Variants in CNTN3 observed in about 807,000 individuals in gnomAD.
The protein encoded by CNTN3 is contactin-3.
Under a neutral mutation model 119.1 loss-of-function variants are expected in CNTN3, and 60 were observed. The ratio of observed to expected loss-of-function variants is 0.50; its 90% CI spans 0.41 to 0.62. CNTN3 has a LOEUF of 0.62. Ranked by LOEUF, CNTN3 falls within the 20% of genes least tolerant of loss-of-function variation. The probability of loss-of-function intolerance (pLI) is 0.00; values close to 1 mark genes in which losing one functional copy is unlikely to be tolerated. For synonymous variants in CNTN3, 450 were observed against 438.7 expected (o/e 1.03, Z -0.32); for missense variants, 1,101 against 1,242.4 (o/e 0.89, Z 1.71).
At chr3:74,330,266 G>A (rs540201568) in intron 13 of CNTN3, among the ~76,000 whole-genome samples, 1 of 152,112 alleles carries the variant, frequency 6.6e-6, no homozygotes, top group African/African-American at 2.4e-5. Context: ...TGAGCCTTGA[G>A]GATCATTTGA....
chr3:74,585,853 A>G (rs1704584318), intron 1 of CNTN3, among the ~76,000 whole-genome samples: 1 of 152,168 alleles, frequency 6.6e-6, no homozygotes. Flanking sequence ...ATGTCCATTT[A>G]TGACAGTTTT....
chr3:74,578,685 A>T (rs533045280), intron 1 of CNTN3, among the ~76,000 whole-genome samples: 21 of 152,174 alleles, frequency 1.4e-4, no homozygotes, highest in African/African-American at 4.8e-4. Context: ...AAAATTCACA[A>T]AATTTTAATC....
chr3:74,325,887 T>C (rs1703115764), intron 13 of CNTN3, among the ~76,000 whole-genome samples: 1 of 152,152 alleles, frequency 6.6e-6, no homozygotes, highest in Non-Finnish European at 1.5e-5. Context: ...TCTGAGCTAA[T>C]ACCCCCAGAA....
intron 11 of CNTN3, among the ~76,000 whole-genome samples, chr3:74,354,121 A>T (rs1360941566): frequency 6.6e-6 from 1 of 152,184 alleles, no homozygotes; most frequent in Non-Finnish European, 1.5e-5. Flanking sequence ...AATATCTTTT[A>T]AAAACATTGC....
At chr3:74,321,890 C>T (rs991429869) in intron 13 of CNTN3, among the ~76,000 whole-genome samples, 1 of 151,998 alleles carries the variant, frequency 6.6e-6, no homozygotes, top group Non-Finnish European at 1.5e-5. Context: ...TACATTGAAT[C>T]AATGATTAAT....
chr3:74,299,258 C>T (rs780139247), intron 17 of CNTN3, among the ~76,000 whole-genome samples: 54 of 152,284 alleles, frequency 3.5e-4, no homozygotes, highest in Non-Finnish European at 6.5e-4. Flanking sequence ...ATACTTGAGT[C>T]GTGTCAAAAA....
At chr3:74,538,663 A>T (rs1252145762) in intron 1 of CNTN3, among the ~76,000 whole-genome samples, 1 of 152,170 alleles carries the variant, frequency 6.6e-6, no homozygotes, top group Non-Finnish European at 1.5e-5. Flanking sequence ...TACATATTTT[A>T]TGCTATCAAG....
At chr3:74,603,654 T>C (rs956241992) in intron 1 of CNTN3, among the ~76,000 whole-genome samples, 1 of 151,958 alleles carries the variant, frequency 6.6e-6, no homozygotes, top group Non-Finnish European at 1.5e-5. Flanking sequence ...TTATACTGAG[T>C]TTGAAATGGA....
intron 1 of CNTN3, among the ~76,000 whole-genome samples, chr3:74,565,911 G>T (rs1312214444): frequency 6.6e-6 from 1 of 152,034 alleles, no homozygotes; most frequent in Non-Finnish European, 1.5e-5. Flanking sequence ...TGAATCATGG[G>T]GGCAAGTCTT....
At chr3:74,595,098 T>C (rs1362447549) in intron 1 of CNTN3, among the ~76,000 whole-genome samples, 2 of 151,986 alleles carry the variant, frequency 1.3e-5, no homozygotes, top group African/African-American at 4.8e-5. Flanking sequence ...ATGTCTTCTT[T>C]TGAGAAGTGT....
chr3:74,380,481 C>T (rs1051546202), intron 5 of CNTN3, among the ~76,000 whole-genome samples: 1 of 152,170 alleles, frequency 6.6e-6, no homozygotes, highest in African/African-American at 2.4e-5. Context: ...GATAAAGAAG[C>T]TTACATCTCA....
intron 1 of CNTN3, among the ~76,000 whole-genome samples, chr3:74,544,024 C>A (rs1248897581): frequency 1.3e-5 from 2 of 152,180 alleles, no homozygotes; most frequent in African/African-American, 4.8e-5. Context: ...AACTTCCAAT[C>A]TGCAATGGAG....
chr3:74,573,127 G>A lies in CNTN3; in HGVS notation c.-81+41264C>T, dbSNP rs1704360805. Among the ~76,000 whole-genome samples the A allele has an allele frequency of 2.0e-5, 3 of 152,256 alleles. No individual in the cohort carries two copies. The South Asian group carries it at 6.2e-4, about 32-fold the overall frequency. On this transcript the variant is annotated intron_variant, in intron 1 of 22. Coordinates refer to ENST00000263665, the MANE Select transcript of CNTN3 (RefSeq NM_020872.3). ...GCTGCATGCTCAGACCCATGAAGGG[G>A]ACCCACAGGAATCTAGTGAATTGGG...
intron 1 of CNTN3, among the ~76,000 whole-genome samples, chr3:74,606,752 T>C (rs1057238460): frequency 6.6e-6 from 1 of 152,102 alleles, no homozygotes; most frequent in East Asian, 1.9e-4. Context: ...ACCCTTCACT[T>C]GTAAGTATCT....
At chr3:74,585,135 T>C (rs910673898) in intron 1 of CNTN3, among the ~76,000 whole-genome samples, 4 of 152,166 alleles carry the variant, frequency 2.6e-5, no homozygotes, top group Admixed American at 6.5e-5. Flanking sequence ...CTACGTTTAA[T>C]AAAATACTGT....
rs1281472763 is a variant in CNTN3, at chr3:74,296,931, G to A, written c.2401+1026C>T. 2.0e-5 allele frequency among the ~76,000 whole-genome samples: 3 copies of A among 150,554 alleles called. 1 individual carries two copies. Among genetic ancestry groups the A allele is most frequent in the South Asian group, 4.2e-4 (2 of 4,788 alleles). On this transcript the variant is annotated intron_variant, in intron 18 of 22. Coordinates refer to ENST00000263665, the MANE Select transcript of CNTN3 (RefSeq NM_020872.3). ...AACAGTTGTTGCTGATCTATGAAAT[G>A]GCAATTTTGCATAATTCTTTTACCT...
intron 1 of CNTN3, among the ~76,000 whole-genome samples, chr3:74,539,265 C>A (rs756502829): frequency 5.9e-5 from 9 of 152,060 alleles, no homozygotes; most frequent in Non-Finnish European, 1.2e-4. Context: ...GTATTTAGTA[C>A]TGAATATTGG....
Position 74,369,338 on chromosome 3 carries a change from C to G in CNTN3, c.797G>C (p.Gly266Ala), listed in dbSNP as rs2106788219. ...TTTAATTTTGCTGGAAAATGGCAGCCCATCACTTCTTCTCCAATTAATCTG... is the reference window on the plus strand; with the variant it reads ...TTTAATTTTGCTGGAAAATGGCAGCGCATCACTTCTTCTCCAATTAATCTG... ...IPQINWRRSD[G>A]LPFSSKIKLR... Residue 266 changes from glycine (G) to alanine (A), a missense_variant, in exon 8 of 23, where the codon GGG becomes GCG. Physicochemically the swap from Gly to Ala is moderately conservative, Grantham distance 60 (BLOSUM62 0). Coordinates refer to ENST00000263665, the MANE Select transcript of CNTN3 (RefSeq NM_020872.3). 6.2e-7 allele frequency: 1 copy of G among 1,605,870 alleles called. No individual in the cohort carries two copies. Among genetic ancestry groups the G allele is most frequent in the East Asian group, 2.3e-5 (1 of 44,206 alleles).
intron 1 of CNTN3, among the ~76,000 whole-genome samples, chr3:74,588,139 G>A (rs1704631228): frequency 6.6e-6 from 1 of 152,076 alleles, no homozygotes; most frequent in African/African-American, 2.4e-5. Flanking sequence ...AAGCCCACTT[G>A]ACCATGGTGG....
Sources: gnomAD v4.1 joint callset for allele counts (sites outside exome capture counted in the v4.1 genomes callset) on GRCh38, gnomAD v4.1.1 for gene constraint, MANE v1.5 for transcripts, NCBI Gene and HGNC (gene_info 2026-07-23, HGNC 2026-07-21) for gene names.